EVC: variants seen among roughly 807,000 people sequenced by gnomAD.
EVC encodes evC complex member EVC.
A neutral mutation model predicts 118.9 loss-of-function variants in EVC; 116 were observed. That is an observed-to-expected ratio of 0.98 (90% CI 0.84 to 1.14). EVC has a LOEUF of 1.14. Among genes scored for constraint, EVC ranks in the 50% most tolerant of loss-of-function variants. The pLI, the probability that EVC is intolerant of heterozygous loss-of-function variation, is 0.00. For synonymous variants in EVC, 619 were observed against 534.7 expected, an observed-to-expected ratio of 1.16 and a Z score of -2.18; for missense variants, 1,401 against 1,246.4, an observed-to-expected ratio of 1.12 and a Z score of -1.87.
intron 5 of EVC, among the ~76,000 whole-genome samples, chr4:5,733,645 C>T (rs913217584): frequency 6.6e-6 from 1 of 152,156 alleles, no homozygotes; most frequent in Admixed American, 6.6e-5. Context: ...GCCTTGACTT[C>T]AACCAGAGCT....
Position 5,719,179 on chromosome 4 carries a change from G to C in EVC, c.175-69G>C. ...GGAGTTGACTGGCAAAAGTCACGGT[G>C]GGGACCAGGCCGACTGACCTCAATG... is the stretch of plus-strand genomic sequence containing the variant. On this transcript the variant is annotated intron_variant, in intron 1 of 20. Coordinates refer to ENST00000264956, the MANE Select transcript of EVC (RefSeq NM_153717.3). This position sits in a 1 kb window ranked among gnomAD's most constrained non-coding sequence, Gnocchi z 4.7. 8 of 1,606,990 alleles carry C rather than the reference G, an allele frequency of 5.0e-6. No homozygotes were observed. Among genetic ancestry groups the C allele is most frequent in the Non-Finnish European group, 6.8e-6 (8 of 1,174,782 alleles).
At chr4:5,723,243 G>A (rs1216878049) in intron 2 of EVC, among the ~76,000 whole-genome samples, 2 of 149,904 alleles carry the variant, frequency 1.3e-5, no homozygotes, top group African/African-American at 4.9e-5. Flanking sequence ...AGTCTGGAGT[G>A]CAGTGGTGCG....
the EVC span, chr4:5,824,908 G>A: frequency 2.0e-6 from 2 of 985,400 alleles, no homozygotes; most frequent in Non-Finnish European, 2.4e-6. Context: ...AAGTCAGGAG[G>A]GATCAGGTCA....
At chr4:5,825,044 GATAAA>G in the EVC span, 1 of 985,274 alleles carries the variant, frequency 1.0e-6, no homozygotes, top group South Asian at 4.7e-5. This position sits in a 1 kb window ranked among gnomAD's most constrained non-coding sequence, Gnocchi z 4.4. Context: ...GAGTAGTGAG[GATAAA>G]ATAAAATCAT....
Position 5,777,034 on chromosome 4 carries a change from T to G in EVC, c.1564-6518T>G, listed in dbSNP as rs117599193. Among the ~76,000 whole-genome samples the G allele has an allele frequency of 1.4e-3, 214 of 152,296 alleles. 2 individuals are homozygous for G. The East Asian group carries it at 0.016, about 12-fold the overall frequency. On this transcript the variant is annotated intron_variant, in intron 11 of 20. Coordinates refer to ENST00000264956, the MANE Select transcript of EVC (RefSeq NM_153717.3). The stretch of plus-strand genomic sequence containing the variant: ...CCTGTGGGTTTGTTTCTGATGCCCA[T>G]TGTTTGTGTAGGTCTTTGATCATGT...
chr4:5,823,783 C>T, the EVC span, among the ~76,000 whole-genome samples: 2 of 150,920 alleles, frequency 1.3e-5, no homozygotes, highest in South Asian at 2.1e-4. Context: ...CCTGCAGAGC[C>T]GTGAGCCAAG....
At chr4:5,771,194 G>C (rs1434444276) in intron 11 of EVC, among the ~76,000 whole-genome samples, 2 of 152,018 alleles carry the variant, frequency 1.3e-5, no homozygotes, top group Non-Finnish European at 2.9e-5. Flanking sequence ...GATCTCTCTG[G>C]GTTAAAATGA....
At chr4:5,821,733 C>A in the EVC span, 1 of 1,575,520 alleles carries the variant, frequency 6.3e-7, no homozygotes, top group Non-Finnish European at 8.7e-7. The surrounding 1 kb of genome is among the most constrained non-coding windows in gnomAD (Gnocchi z 4.4). Flanking sequence ...CAGAATCCTT[C>A]AGGCTAGCTC....
intron 2 of EVC, among the ~76,000 whole-genome samples, chr4:5,724,527 CA>C (rs1464043806): frequency 6.6e-6 from 1 of 152,132 alleles, no homozygotes; most frequent in Non-Finnish European, 1.5e-5. Context: ...GACCTGGGGC[CA>C]GCAAAGCTGA....
chr4:5,815,044 A>G (rs543719363), downstream of EVC, among the ~76,000 whole-genome samples: 1 of 152,132 alleles, frequency 6.6e-6, no homozygotes, highest in East Asian at 1.9e-4. Context: ...ACTGGCCCTT[A>G]CCCAGATCCT....
In EVC at chr4:5,711,208, G is replaced by T. The variant is rs538106950; in HGVS notation, c.-173G>T. ...TGATCCAGGCTCCTCCCTCCGGCTC[G>T]GCGAAGCAGGGAAGGGGAGAGAAGC... On this transcript the variant is annotated 5_prime_UTR_variant, in exon 1 of 21. Transcript: ENST00000264956. 5.6e-5 allele frequency: 16 copies of T among 288,278 alleles called. No homozygotes were observed. Among genetic ancestry groups the T allele is most frequent in the Admixed American group, 1.9e-4 (3 of 15,542 alleles). 17.9% of individuals were successfully genotyped at this position (288,278 alleles called of 1,614,324 possible).
intron 11 of EVC, among the ~76,000 whole-genome samples, chr4:5,773,072 G>A (rs950864910): frequency 6.6e-6 from 1 of 152,152 alleles, no homozygotes; most frequent in African/African-American, 2.4e-5. Context: ...CACCTGCCTC[G>A]GTCACCGCAG....
the EVC span, chr4:5,825,015 G>C: frequency 1.0e-6 from 1 of 985,042 alleles, no homozygotes; most frequent in Non-Finnish European, 1.2e-6. This position sits in a 1 kb window ranked among gnomAD's most constrained non-coding sequence, Gnocchi z 4.4. Flanking sequence ...AAATAAATAG[G>C]GTATAATGTT....
At chr4:5,824,319 G>T in the EVC span, 1 of 985,292 alleles carries the variant, frequency 1.0e-6, no homozygotes, top group Non-Finnish European at 1.2e-6. Flanking sequence ...TCCATTTTGT[G>T]CAAAAATATG....
intron 1 of EVC, among the ~76,000 whole-genome samples, chr4:5,712,526 G>A (rs1723210884): frequency 6.6e-6 from 1 of 152,182 alleles, no homozygotes; most frequent in African/African-American, 2.4e-5. Context: ...TGCAACTTCT[G>A]CCTCTTTGGG....
At chr4:5,782,202 T>C (rs1235841137) in intron 11 of EVC, among the ~76,000 whole-genome samples, 1 of 151,776 alleles carries the variant, frequency 6.6e-6, no homozygotes, top group Admixed American at 6.6e-5. Flanking sequence ...GCCTCCCAAG[T>C]AGCTGGGATT....
chr4:5,811,784 A>C lies in EVC; in HGVS notation c.*747A>C, dbSNP rs553387847. On this transcript the variant is annotated 3_prime_UTR_variant, in exon 21 of 21. Coordinates refer to ENST00000264956, the MANE Select transcript of EVC (RefSeq NM_153717.3). ...AGGGGCCTTTCTCACCTGGAGAGAA[A>C]TTTCCAGACCATCCCCTCTCACCAC... 1 of 113,404 alleles carries C rather than the reference A, an allele frequency of 8.8e-6. No individual in the cohort carries two copies. The highest frequency in any genetic ancestry group is 2.2e-4 in the East Asian group (1 of 4,514). The allele number at this position is 113,404 out of a possible 1,614,324, so 7.0% of individuals were successfully genotyped here. A position where few individuals can be genotyped will look rare whatever the true frequency, so the allele number is the denominator to read the frequency against.
downstream of EVC, among the ~76,000 whole-genome samples, chr4:5,815,035 C>A (rs1480126523): frequency 6.6e-6 from 1 of 152,218 alleles, no homozygotes; most frequent in Non-Finnish European, 1.5e-5. Context: ...CCCAACTCAA[C>A]TGGCCCTTAC....
In EVC at chr4:5,804,891, C is replaced by T. The variant is rs778644377; in HGVS notation, c.2561+50C>T. 3.4e-6 allele frequency: 5 copies of T among 1,469,190 alleles called. No individual in the cohort carries two copies. The Admixed American group carries it at 6.7e-5, about 20-fold the overall frequency. 91.0% of individuals were successfully genotyped at this position (1,469,190 alleles called of 1,614,324 possible). A position where few individuals can be genotyped will look rare whatever the true frequency, so the allele number is the denominator to read the frequency against. On this transcript the variant is annotated intron_variant, in intron 17 of 20. Coordinates refer to ENST00000264956, the MANE Select transcript of EVC (RefSeq NM_153717.3). ...GTAGGGCTGTTCTCTACCCCATTCACATGGCATATCTCTCTGTGGTGCCGT... is the reference window on the plus strand; with the variant it reads ...GTAGGGCTGTTCTCTACCCCATTCATATGGCATATCTCTCTGTGGTGCCGT...
Sources: gnomAD v4.1 joint callset for allele counts (sites outside exome capture counted in the v4.1 genomes callset) on GRCh38, gnomAD v4.1.1 for gene constraint, Gnocchi (gnomAD v3.1) non-coding constraint, MANE v1.5 for transcripts, NCBI Gene and HGNC (gene_info 2026-07-23, HGNC 2026-07-21) for gene names.